The following CAST variants were observed in gnomAD, a reference collection of about 807,000 sequenced individuals.
CAST encodes calpastatin.
Under a neutral mutation model 119.6 loss-of-function variants are expected in CAST, and 76 were observed. That is an observed-to-expected ratio of 0.64 (90% confidence interval 0.53 to 0.77). The LOEUF is 0.77. Ranked by LOEUF, CAST falls within the 30% of genes least tolerant of loss-of-function variation. The pLI is 0.00. For synonymous variants in CAST, 319 were observed against 331.6 expected (o/e 0.96, Z 0.41); for missense variants, 953 against 946.5 (o/e 1.01, Z -0.09).
the CAST span, among the ~76,000 whole-genome samples, chr5:96,446,892 C>G: frequency 6.6e-6 from 1 of 152,298 alleles, no homozygotes; most frequent in African/African-American, 2.4e-5. Flanking sequence ...CCTCATCAGA[C>G]CAACATCTAG....
the CAST span, among the ~76,000 whole-genome samples, chr5:96,475,685 G>T: frequency 2.0e-3 from 307 of 152,206 alleles, no homozygotes; most frequent in African/African-American, 7.1e-3. Context: ...TAACAAGCAG[G>T]GGGTCTGGAA....
In CAST at chr5:96,742,339, C is replaced by T. The variant is rs554081086; in HGVS notation, c.1099-316C>T. On this transcript the variant is annotated intron_variant, in intron 15 of 31. Coordinates refer to ENST00000675179, the MANE Select transcript of CAST (RefSeq NM_001750.7). ...TGTGGTAACAGTTTACTACTTGCTT[C>T]TTTTTTTTTTGTTTGTTTAGAGTAT... 2.4e-3 allele frequency: 469 copies of T among 195,522 alleles called. 1 individual carries two copies. The highest frequency in any genetic ancestry group is 0.01 in the African/African-American group (435 of 42,106). 12.1% of individuals were successfully genotyped at this position (195,522 alleles called of 1,614,324 possible).
chr5:96,726,909 C>A, intron 5 of CAST, 50 bp downstream of exon 5: 1 of 1,289,198 alleles, frequency 7.8e-7, no homozygotes, highest in Non-Finnish European at 1.1e-6. Flanking sequence ...ACGGTTACAT[C>A]ACCCGCTCAG....
At chr5:96,619,756 C>T (rs898138031) in intron 1 of CAST, among the ~76,000 whole-genome samples, 1 of 152,008 alleles carries the variant, frequency 6.6e-6, no homozygotes, top group African/African-American at 2.4e-5. Flanking sequence ...TAACACTCAC[C>T]GCGAGGGTCC....
the CAST span, among the ~76,000 whole-genome samples, chr5:96,269,830 G>A: frequency 1.3e-5 from 2 of 152,000 alleles, no homozygotes; most frequent in African/African-American, 2.4e-5. Context: ...ATTTAAAGAA[G>A]AACTAATATC....
At chr5:96,353,575 A>G in the CAST span, among the ~76,000 whole-genome samples, 1 of 151,766 alleles carries the variant, frequency 6.6e-6, no homozygotes, top group Non-Finnish European at 1.5e-5. Flanking sequence ...AGTGTGCATC[A>G]TCCAGTCTGT....
chr5:96,407,512 A>G, the CAST span, among the ~76,000 whole-genome samples: 1 of 152,232 alleles, frequency 6.6e-6, no homozygotes, highest in African/African-American at 2.4e-5. Context: ...AAAATGGTAT[A>G]GTCATTCAAG....
chr5:96,608,970 G>A (rs957650600), intron 1 of CAST, among the ~76,000 whole-genome samples: 1 of 152,068 alleles, frequency 6.6e-6, no homozygotes, highest in African/African-American at 2.4e-5. Context: ...CTCCAACACC[G>A]GGGATTACAA....
chr5:96,333,868 T>A, the CAST span, among the ~76,000 whole-genome samples: 1 of 152,196 alleles, frequency 6.6e-6, no homozygotes, highest in Non-Finnish European at 1.5e-5. Context: ...TTATTCTGAT[T>A]TTAAAAATAC....
At chr5:96,478,550 C>T in the CAST span, among the ~76,000 whole-genome samples, 1 of 152,224 alleles carries the variant, frequency 6.6e-6, no homozygotes, top group Admixed American at 6.5e-5. Flanking sequence ...AAGCCTTACA[C>T]CCTTTCACTC....
chr5:95,992,354 T>G, the CAST span, among the ~76,000 whole-genome samples: 1 of 151,396 alleles, frequency 6.6e-6, no homozygotes, highest in African/African-American at 2.4e-5. Context: ...TGATGTTATG[T>G]GGATATCAGG....
chr5:96,612,977 G>T (rs1747389575), intron 1 of CAST, among the ~76,000 whole-genome samples: 1 of 152,142 alleles, frequency 6.6e-6, no homozygotes, highest in African/African-American at 2.4e-5. Flanking sequence ...CTATTGATTT[G>T]TAATGCCACT....
At chr5:96,207,422 A>G in the CAST span, among the ~76,000 whole-genome samples, 1 of 151,968 alleles carries the variant, frequency 6.6e-6, no homozygotes, top group Non-Finnish European at 1.5e-5. Flanking sequence ...ATTCAGTAGG[A>G]TGTTGGCTGT....
At chr5:96,451,189 A>C in the CAST span, among the ~76,000 whole-genome samples, 1,963 of 152,330 alleles carry the variant, frequency 0.013, 32 homozygotes, top group East Asian at 0.037. Flanking sequence ...GCAGACACCT[A>C]GTCTTACACA....
At chr5:96,626,307 C>G (rs1044571778) in intron 1 of CAST, among the ~76,000 whole-genome samples, 2 of 152,234 alleles carry the variant, frequency 1.3e-5, no homozygotes, top group African/African-American at 2.4e-5. Flanking sequence ...TGCTGCCTCT[C>G]TTACTCCCGA....
chr5:96,699,230 C>T (rs566105080), intron 3 of CAST, among the ~76,000 whole-genome samples: 2 of 152,268 alleles, frequency 1.3e-5, no homozygotes, highest in Non-Finnish European at 2.9e-5. Context: ...GAAGACTTGT[C>T]AGACAACTTC....
At chr5:96,661,369 G>A (rs1389559175), upstream of CAST, among the ~76,000 whole-genome samples, 1 of 142,040 alleles carries the variant, frequency 7.0e-6, no homozygotes, top group Non-Finnish European at 1.5e-5. Context: ...AGATTGCAGC[G>A]AGCAGAGATC....
chr5:96,643,408 G>T (rs1008717554), intron 1 of CAST, among the ~76,000 whole-genome samples: 1 of 152,182 alleles, frequency 6.6e-6, no homozygotes, highest in African/African-American at 2.4e-5. Context: ...CTGGTGAGGG[G>T]ACAGATGTGA....
At chr5:96,741,441 A>T in intron 14 of CAST, 53 bp from the exon 15 acceptor site, 1 of 1,496,324 alleles carries the variant, frequency 6.7e-7, no homozygotes, top group Non-Finnish European at 9.3e-7. Flanking sequence ...TCAGGCTATT[A>T]CAGTTAAACT....
Sources: allele counts gnomAD v4.1 joint callset (sites outside exome capture counted in the v4.1 genomes callset), GRCh38; gene constraint gnomAD v4.1.1; transcripts MANE v1.5; gene names NCBI Gene and HGNC (gene_info 2026-07-23, HGNC 2026-07-21).